Variants in APIP observed in about 807,000 individuals in gnomAD.
APIP encodes the protein methylthioribulose-1-phosphate dehydratase.
In APIP, 32 loss-of-function variants were observed where a neutral mutation model predicts 32.0. The observed-to-expected ratio is 1.00, with a 90% CI of 0.76 to 1.34. APIP has a LOEUF of 1.34. APIP is among the 40% of genes most tolerant of loss of function. APIP has a pLI of 0.00. For synonymous variants in APIP, 92 were observed against 94.8 expected (o/e 0.97, Z 0.17); for missense variants, 247 against 298.6 (o/e 0.83, Z 1.27).
chr11:34,896,879 G>C (rs1853281967), intron 1 of APIP: 29 of 1,174,692 alleles, frequency 2.5e-5, no homozygotes, highest in Non-Finnish European at 3.3e-5. Context: ...ACAAAACCCA[G>C]GGCCTGATCA....
chr11:34,888,326 C>T lies in APIP; in HGVS notation c.428G>A (p.Gly143Glu). The change falls in exon 5 of 7, where the codon GGA becomes GAA. Residue 143 changes from glycine to glutamate, a missense_variant. Gly to Glu is a moderately conservative substitution (Grantham distance 98). Transcript: ENST00000395787. Reference sequence around the variant, plus strand: ...CCCTCCGGAAGTACATTTCTTTATTCCTTTTATCATCTCTTGATGTGTAAT... The same window carrying T: ...CCCTCCGGAAGTACATTTCTTTATTTCTTTTATCATCTCTTGATGTGTAAT... The part of the protein sequence containing the change: ...FKITHQEMIK[G>E]IKKCTSGGYY... The T allele has an allele frequency of 6.2e-7, 1 of 1,605,444 alleles. No individual in the cohort carries two copies. The highest frequency in any genetic ancestry group is 1.1e-5 in the South Asian group (1 of 88,380).
In APIP at chr11:34,896,076, C is replaced by T. The variant is rs149398935; in HGVS notation, c.58-966G>A. Among the ~76,000 whole-genome samples the T allele has an allele frequency of 5.3e-5, 8 of 152,160 alleles. No individual in the cohort carries two copies. The East Asian group carries it at 7.7e-4, about 15-fold the overall frequency. ...GAGACTCTCACACCAGTTGGAATGG[C>T]GATCATTAAAAAGTCAGGAAACAAT... On this transcript the variant is annotated intron_variant, in intron 1 of 6. Coordinates refer to ENST00000395787, the MANE Select transcript of APIP (RefSeq NM_015957.4).
At chr11:34,906,191 C>G (rs1242105015) in intron 1 of APIP, among the ~76,000 whole-genome samples, 2 of 151,918 alleles carry the variant, frequency 1.3e-5, no homozygotes, top group African/African-American at 4.8e-5. Context: ...CTCCTGGATA[C>G]ATTTAATCCT....
intron 1 of APIP, among the ~76,000 whole-genome samples, chr11:34,915,563 T>G (rs1853658688): frequency 6.6e-6 from 1 of 152,170 alleles, no homozygotes. Context: ...CCTGGGCCAT[T>G]TATCTTACGT....
chr11:34,893,799 G>A (rs1214509847), intron 2 of APIP, among the ~76,000 whole-genome samples: 3 of 152,148 alleles, frequency 2.0e-5, no homozygotes, highest in Admixed American at 2.0e-4. Context: ...ATCTTGTGGT[G>A]TACCATTGAA....
intron 1 of APIP, among the ~76,000 whole-genome samples, chr11:34,895,370 G>A (rs1853252188): frequency 6.6e-6 from 1 of 152,174 alleles, no homozygotes; most frequent in Non-Finnish European, 1.5e-5. Context: ...CAAAAACAAG[G>A]TGGGGAAATG....
intron 5 of APIP, among the ~76,000 whole-genome samples, 189 bp from the exon 6 acceptor site, chr11:34,883,693 T>C (rs1053431148): frequency 5.9e-5 from 9 of 152,186 alleles, no homozygotes; most frequent in Non-Finnish European, 1.0e-4. Context: ...AAAGGTACCT[T>C]GGGAATGTGG....
At chr11:34,913,684 GA>G (rs977656663) in intron 1 of APIP, among the ~76,000 whole-genome samples, 8 of 152,294 alleles carry the variant, frequency 5.3e-5, no homozygotes, top group African/African-American at 1.9e-4. Context: ...GAAGGTGACC[GA>G]GGGGGGTTGC....
At chr11:34,911,557 G>T (rs78477589) in intron 1 of APIP, among the ~76,000 whole-genome samples, 1 of 152,052 alleles carries the variant, frequency 6.6e-6, no homozygotes, top group African/African-American at 2.4e-5. Flanking sequence ...TTTGGTCTAC[G>T]CAATGCTTAG....
chr11:34,882,869 A>G (rs1183245700), intron 6 of APIP, 53 bp from the exon 7 acceptor site: 4 of 1,172,298 alleles, frequency 3.4e-6, no homozygotes, highest in Admixed American at 1.9e-5. Flanking sequence ...GAGTTCTCCA[A>G]TCCTAAAGAA....
chr11:34,895,956 C>A lies in APIP; in HGVS notation c.58-846G>T, dbSNP rs182190980. Among the ~76,000 whole-genome samples the A allele has an allele frequency of 3.7e-4, 57 of 152,142 alleles. 1 individual carries two copies. Among genetic ancestry groups the A allele is most frequent in the Admixed American group, 3.3e-3 (50 of 15,280 alleles). ...ACAATCCTTATCTTAAAAATAAGTA[C>A]AAATGCTGAATAAATTATTTTTTAA... On this transcript the variant is annotated intron_variant, in intron 1 of 6. Transcript: ENST00000395787.
chr11:34,895,209 G>T, intron 1 of APIP, 99 bp from the exon 2 acceptor site: 1 of 1,001,080 alleles, frequency 1.0e-6, no homozygotes, highest in Non-Finnish European at 1.5e-6. Flanking sequence ...GAAAGTTTAA[G>T]AAAACATACT....
chr11:34,911,557 G>A (rs78477589), intron 1 of APIP, among the ~76,000 whole-genome samples: 1,782 of 152,164 alleles, frequency 0.012, 39 homozygotes, highest in African/African-American at 0.041. Context: ...TTTGGTCTAC[G>A]CAATGCTTAG....
chr11:34,910,701 A>T (rs570065090), intron 1 of APIP, among the ~76,000 whole-genome samples: 12 of 152,254 alleles, frequency 7.9e-5, no homozygotes, highest in Admixed American at 7.2e-4. Flanking sequence ...TGTGCCAGGC[A>T]TTTTTCTAAA....
intron 1 of APIP, among the ~76,000 whole-genome samples, chr11:34,908,445 C>A (rs1489368317): frequency 2.0e-5 from 3 of 152,196 alleles, no homozygotes; most frequent in Non-Finnish European, 2.9e-5. Context: ...TCATTCTGCA[C>A]ACTTGTTGCA....
chr11:34,910,684 C>T (rs1343723121), intron 1 of APIP, among the ~76,000 whole-genome samples: 2 of 151,868 alleles, frequency 1.3e-5, no homozygotes, highest in Non-Finnish European at 2.9e-5. Context: ...TTATAGAGTG[C>T]TTATTTTGTG....
intron 5 of APIP, among the ~76,000 whole-genome samples, chr11:34,884,721 C>T (rs1332047728): frequency 2.1e-5 from 2 of 94,290 alleles, no homozygotes; most frequent in African/African-American, 3.0e-5. Context: ...CAGACTTAGT[C>T]TCAAAAAAAA....
At chr11:34,895,591 T>A (rs924475539) in intron 1 of APIP, among the ~76,000 whole-genome samples, 10 of 152,220 alleles carry the variant, frequency 6.6e-5, no homozygotes, top group Non-Finnish European at 1.5e-4. Context: ...AAAGTCCTTT[T>A]TCCCACAATG....
In APIP at chr11:34,883,484, AC is replaced by A. The variant is rs1853006213; in HGVS notation, c.481del (p.Val161TyrfsTer21). On this transcript the variant is annotated frameshift_variant, in exon 6 of 7. Coordinates refer to ENST00000395787, the MANE Select transcript of APIP (RefSeq NM_015957.4). LOFTEE classifies it high-confidence loss of function. ...CTCAGGTGTATTCTCAATAATGGGT[AC>A]CACTAACATATCATCATATCTGTAA... ...GYYRYDDMLV[V>X]PIIENTPEEK... 6.2e-7 allele frequency: 1 copy of A among 1,613,266 alleles called. No homozygotes were observed. Among genetic ancestry groups the A allele is most frequent in the Admixed American group, 1.7e-5 (1 of 59,816 alleles).
Sources: gnomAD v4.1 joint callset for allele counts (sites outside exome capture counted in the v4.1 genomes callset) on GRCh38, gnomAD v4.1.1 for gene constraint, MANE v1.5 for transcripts, NCBI Gene and HGNC (gene_info 2026-07-23, HGNC 2026-07-21) for gene names.